The following SPATA17 variants were observed in gnomAD, a reference collection of about 807,000 sequenced individuals.
The protein encoded by SPATA17 is spermatogenesis-associated protein 17.
Under a neutral mutation model 62.2 loss-of-function variants are expected in SPATA17, and 53 were observed. The observed-to-expected ratio is 0.85, with a 90% CI of 0.68 to 1.07. The LOEUF is 1.07. SPATA17 is among the 50% of genes least tolerant of loss of function. The probability of loss-of-function intolerance (pLI) is 0.00; values close to 1 mark genes in which losing one functional copy is unlikely to be tolerated. For synonymous variants in SPATA17, 146 were observed against 146.8 expected, an observed-to-expected ratio of 0.99 and a Z score of 0.04; for missense variants, 466 against 425.5, an observed-to-expected ratio of 1.10 and a Z score of -0.84.
At chr1:217,802,427 A>G (rs866214301) in intron 9 of SPATA17, among the ~76,000 whole-genome samples, 20 of 152,332 alleles carry the variant, frequency 1.3e-4, no homozygotes, top group Middle Eastern at 3.4e-3. Flanking sequence ...ACTATAGACT[A>G]TGTGGCTTCA....
intron 3 of SPATA17, among the ~76,000 whole-genome samples, chr1:217,655,027 A>T (rs1670410806): frequency 1.3e-5 from 2 of 152,132 alleles, no homozygotes; most frequent in African/African-American, 4.8e-5. Flanking sequence ...ATCTTATTAC[A>T]ATATTAAAAT....
At chr1:217,798,207 T>C in intron 8 of SPATA17, among the ~76,000 whole-genome samples, 1 of 152,184 alleles carries the variant, frequency 6.6e-6, no homozygotes. Context: ...AAAGAAATAA[T>C]AGCATCTTAC....
chr1:217,852,480 A>C (rs1257658409), intron 9 of SPATA17, among the ~76,000 whole-genome samples: 1 of 152,158 alleles, frequency 6.6e-6, no homozygotes, highest in Non-Finnish European at 1.5e-5. Context: ...ATGTTGTGTG[A>C]TGACAACATC....
At position 217,789,019 on chromosome 1, in the gene SPATA17, T is replaced by C. The variant is rs562217859; in HGVS notation, c.872+6697T>C. Among the ~76,000 whole-genome samples the C allele has an allele frequency of 5.9e-5, 9 of 152,194 alleles. No individual in the cohort carries two copies. The South Asian group carries it at 1.9e-3, about 32-fold the overall frequency. ...TCAAGAGTCTTCCACAAGTTTAAGG[T>C]ATAGACATCGAGGATTTAAAAAAAT... On this transcript the variant is annotated intron_variant, in intron 8 of 10. Transcript: ENST00000366933.
rs141817340 is a variant in SPATA17 at position 217,830,819 on chromosome 1, A to T, written c.1005+28969A>T. ...GTGACTGTTGTAAGGTTAAGCTATTAGAGAAAAATTTAAATCTGTTTACAA... is the reference window on the plus strand; with the variant it reads ...GTGACTGTTGTAAGGTTAAGCTATTTGAGAAAAATTTAAATCTGTTTACAA... On this transcript the variant is annotated intron_variant, in intron 9 of 10. Coordinates refer to ENST00000366933, the MANE Select transcript of SPATA17 (RefSeq NM_138796.4). Among the ~76,000 whole-genome samples, 901 of 152,272 alleles carry T rather than the reference A, an allele frequency of 5.9e-3. 9 individuals carry two copies. Among genetic ancestry groups the T allele is most frequent in the African/African-American group, 0.02 (851 of 41,548 alleles).
intron 5 of SPATA17, among the ~76,000 whole-genome samples, chr1:217,689,522 T>C (rs1169570635): frequency 6.6e-6 from 1 of 152,016 alleles, no homozygotes; most frequent in African/African-American, 2.4e-5. Flanking sequence ...CACCACACGA[T>C]GTCTTTTTGT....
intron 9 of SPATA17, among the ~76,000 whole-genome samples, chr1:217,846,963 T>C (rs1301561497): frequency 1.3e-5 from 2 of 152,046 alleles, no homozygotes; most frequent in Non-Finnish European, 2.9e-5. Flanking sequence ...ATATACTTGC[T>C]CTTTATTTTA....
chr1:217,742,200 A>G, intron 6 of SPATA17, 102 bp downstream of exon 6: 3 of 1,429,820 alleles, frequency 2.1e-6, no homozygotes, highest in Non-Finnish European at 2.9e-6. Context: ...TTGAAAAGAT[A>G]TCACAAAGAC....
At chr1:217,710,986 ATCAGTACATAAT>A (rs1298922199) in intron 5 of SPATA17, among the ~76,000 whole-genome samples, 1 of 152,172 alleles carries the variant, frequency 6.6e-6, no homozygotes, top group Non-Finnish European at 1.5e-5. Flanking sequence ...GTATATGTAT[ATCAGTACATAAT>A]TCCTTGTTAT....
intron 5 of SPATA17, among the ~76,000 whole-genome samples, chr1:217,706,698 G>T (rs1671744546): frequency 6.6e-6 from 1 of 152,084 alleles, no homozygotes; most frequent in Non-Finnish European, 1.5e-5. Flanking sequence ...TTATAGCAGT[G>T]TGAAAATGGA....
chr1:217,825,983 A>G (rs1305667343), intron 9 of SPATA17, among the ~76,000 whole-genome samples: 1 of 152,118 alleles, frequency 6.6e-6, no homozygotes, highest in Admixed American at 6.6e-5. Flanking sequence ...TTTATTTTCT[A>G]GCTGGCTTTT....
At chr1:217,741,407 T>A (rs532144873) in intron 5 of SPATA17, among the ~76,000 whole-genome samples, 2 of 152,270 alleles carry the variant, frequency 1.3e-5, no homozygotes, top group South Asian at 4.1e-4. Context: ...TTATTCGAAT[T>A]ATCTGTGTAA....
chr1:217,845,862 A>G (rs1675512412), intron 9 of SPATA17, among the ~76,000 whole-genome samples: 1 of 152,124 alleles, frequency 6.6e-6, no homozygotes, highest in African/African-American at 2.4e-5. Context: ...ACATGTAGAC[A>G]TTAGTAGTAG....
intron 6 of SPATA17, among the ~76,000 whole-genome samples, chr1:217,759,674 A>C (rs4564209): frequency 6.6e-6 from 1 of 152,120 alleles, no homozygotes; most frequent in Admixed American, 6.5e-5. Flanking sequence ...AGATTGTTTC[A>C]TATAGACGGA....
intron 3 of SPATA17, among the ~76,000 whole-genome samples, chr1:217,661,274 T>G (rs1276583437): frequency 1.3e-5 from 2 of 151,914 alleles, no homozygotes; most frequent in African/African-American, 4.8e-5. Context: ...AACAGTGATG[T>G]TATATCACAG....
chr1:217,686,024 T>C (rs569311570), intron 5 of SPATA17, among the ~76,000 whole-genome samples: 6 of 152,260 alleles, frequency 3.9e-5, no homozygotes, highest in Admixed American at 2.6e-4. Context: ...GGAGGAAACA[T>C]ATTATTTATA....
intron 1 of SPATA17, among the ~76,000 whole-genome samples, chr1:217,638,823 A>G (rs1669995310): frequency 6.6e-6 from 1 of 152,180 alleles, no homozygotes; most frequent in Non-Finnish European, 1.5e-5. Flanking sequence ...ATAATTTTCC[A>G]TTTAAAAATG....
chr1:217,655,541 C>T (rs938899493), intron 3 of SPATA17, among the ~76,000 whole-genome samples: 3 of 152,112 alleles, frequency 2.0e-5, no homozygotes, highest in African/African-American at 7.2e-5. Flanking sequence ...GGTTTAGCAT[C>T]CAATTACGAT....
chr1:217,758,797 C>T (rs987488653), intron 6 of SPATA17, among the ~76,000 whole-genome samples: 1 of 152,092 alleles, frequency 6.6e-6, no homozygotes, highest in Non-Finnish European at 1.5e-5. Context: ...AGGGAATGAA[C>T]TTATGGGTAA....
Sources: gnomAD v4.1 joint callset for allele counts (sites outside exome capture counted in the v4.1 genomes callset) on GRCh38, gnomAD v4.1.1 for gene constraint, MANE v1.5 for transcripts, NCBI Gene and HGNC (gene_info 2026-07-23, HGNC 2026-07-21) for gene names.